The following GLRB variants were observed in gnomAD, a reference collection of about 807,000 sequenced individuals.
The protein encoded by GLRB is glycine receptor beta.
Under a neutral mutation model 54.2 loss-of-function variants are expected in GLRB, and 33 were observed. That is an observed-to-expected ratio of 0.61 (90% CI 0.46 to 0.81). The LOEUF is 0.81. Ranked by LOEUF, GLRB falls within the 40% of genes least tolerant of loss-of-function variation. The pLI is 0.00. For missense variants in GLRB, 572 were observed against 584.6 expected (o/e 0.98, Z 0.22); for synonymous variants, 209 against 208.2 (o/e 1.00, Z -0.03).
intron 2 of GLRB, among the ~76,000 whole-genome samples, chr4:157,118,146 A>G (rs2126524241): frequency 6.6e-6 from 1 of 151,742 alleles, no homozygotes; most frequent in East Asian, 1.9e-4. Context: ...AATCAGCTGG[A>G]AAGTTCTAAA....
chr4:157,127,065 A>G (rs1412680523), intron 4 of GLRB, among the ~76,000 whole-genome samples: 2 of 151,664 alleles, frequency 1.3e-5, no homozygotes, highest in Admixed American at 1.3e-4. Flanking sequence ...CAAGAAAAAA[A>G]TTCATATTTG....
chr4:157,105,126 A>C (rs1482458431), intron 2 of GLRB, among the ~76,000 whole-genome samples: 1 of 151,730 alleles, frequency 6.6e-6, no homozygotes, highest in Non-Finnish European at 1.5e-5. Context: ...GTATTAATAT[A>C]AAGTTAGGCT....
intron 9 of GLRB, among the ~76,000 whole-genome samples, chr4:157,157,024 C>A (rs569099571): frequency 6.6e-6 from 1 of 152,146 alleles, no homozygotes; most frequent in Non-Finnish European, 1.5e-5. Flanking sequence ...CAGGGTAGAG[C>A]TCCTTGATAC....
At chr4:157,152,579 CT>C in intron 8 of GLRB, 138 bp from the exon 9 acceptor site, 1 of 770,758 alleles carries the variant, frequency 1.3e-6, no homozygotes, top group South Asian at 1.4e-5. Flanking sequence ...TTATTCTAGT[CT>C]TTGAGCTTTA....
chr4:157,137,907 T>G (rs1179207273), intron 6 of GLRB, among the ~76,000 whole-genome samples: 1 of 152,146 alleles, frequency 6.6e-6, no homozygotes, highest in Non-Finnish European at 1.5e-5. Context: ...ACTAGACTAG[T>G]GTATGCTGTA....
intron 4 of GLRB, among the ~76,000 whole-genome samples, chr4:157,125,650 C>G (rs1735990735): frequency 6.6e-6 from 1 of 151,666 alleles, no homozygotes; most frequent in Admixed American, 6.6e-5. Context: ...AAAGGAATTC[C>G]TGGCCAGGCA....
At chr4:157,165,657 C>A (rs946314456) in intron 9 of GLRB, among the ~76,000 whole-genome samples, 5 of 151,806 alleles carry the variant, frequency 3.3e-5, no homozygotes, top group African/African-American at 1.2e-4. Context: ...AAAAGTGGTG[C>A]TTTTTCAGTC....
chr4:157,078,372 T>C, intron 2 of GLRB: 2 of 254,222 alleles, frequency 7.9e-6, no homozygotes, highest in Non-Finnish European at 1.2e-5. Context: ...AATCATGCCA[T>C]GGGTTTATAT....
At chr4:157,144,259 G>A (rs59077996) in intron 8 of GLRB, among the ~76,000 whole-genome samples, 4 of 152,000 alleles carry the variant, frequency 2.6e-5, no homozygotes, top group Non-Finnish European at 4.4e-5. Context: ...TAAAACCTTC[G>A]GTAGTGCCAA....
intron 2 of GLRB, among the ~76,000 whole-genome samples, chr4:157,120,330 A>G (rs1360963373): frequency 6.6e-6 from 1 of 151,252 alleles, no homozygotes; most frequent in Non-Finnish European, 1.5e-5. Context: ...ACATGTATAC[A>G]TATGTAACTA....
chr4:157,113,104 T>G lies in GLRB; in HGVS notation c.123-7452T>G, dbSNP rs1735480249. Among the ~76,000 whole-genome samples, 4 of 151,984 alleles carry G rather than the reference T, an allele frequency of 2.6e-5. No homozygotes were observed. The South Asian group carries it at 6.2e-4, about 24-fold the overall frequency. ...GAAGTGTTTTTCAATTATACCCACA[T>G]TTTACTCAAATTTAGTGTGTGTGTA... On this transcript the variant is annotated intron_variant, in intron 2 of 9. Coordinates refer to ENST00000264428, the MANE Select transcript of GLRB (RefSeq NM_000824.5).
At chr4:157,112,591 T>C (rs578225648) in intron 2 of GLRB, among the ~76,000 whole-genome samples, 1 of 152,016 alleles carries the variant, frequency 6.6e-6, no homozygotes, top group Non-Finnish European at 1.5e-5. Context: ...TTTGGGAACA[T>C]GTCTTAAGAG....
intron 9 of GLRB, among the ~76,000 whole-genome samples, chr4:157,160,254 A>C (rs1415372455): frequency 6.9e-6 from 1 of 145,554 alleles, no homozygotes; most frequent in Non-Finnish European, 1.5e-5. Flanking sequence ...CTAGTGGTCT[A>C]TCGATTTTTT....
chr4:157,158,179 G>C (rs1429422287), intron 9 of GLRB, among the ~76,000 whole-genome samples: 3 of 151,092 alleles, frequency 2.0e-5, no homozygotes, highest in Admixed American at 6.6e-5. Flanking sequence ...CTTTTTGATG[G>C]GTTTTTTTTT....
At chr4:157,145,294 T>A (rs1056331224) in intron 8 of GLRB, among the ~76,000 whole-genome samples, 3 of 152,166 alleles carry the variant, frequency 2.0e-5, no homozygotes, top group Non-Finnish European at 4.4e-5. Context: ...AGAGTTAACT[T>A]GGGTTTGAAA....
At chr4:157,100,271 T>G (rs2126478439) in intron 2 of GLRB, among the ~76,000 whole-genome samples, 1 of 152,350 alleles carries the variant, frequency 6.6e-6, no homozygotes, top group South Asian at 2.1e-4. Flanking sequence ...CTGTAATCCA[T>G]TTCAACTTGC....
chr4:157,163,322 C>T (rs538298929), intron 9 of GLRB, among the ~76,000 whole-genome samples: 8 of 152,112 alleles, frequency 5.3e-5, no homozygotes, highest in East Asian at 3.9e-4. Context: ...TGGGCTGCAC[C>T]GACAGTCAGA....
chr4:157,160,420 A>C (rs1245624220), intron 9 of GLRB, among the ~76,000 whole-genome samples: 7 of 151,814 alleles, frequency 4.6e-5, no homozygotes, highest in Non-Finnish European at 8.8e-5. Context: ...TTTAACTGTG[A>C]TGTTAGGGTG....
intron 2 of GLRB, among the ~76,000 whole-genome samples, chr4:157,094,992 C>G (rs1734751998): frequency 6.6e-6 from 1 of 152,084 alleles, no homozygotes; most frequent in Non-Finnish European, 1.5e-5. Context: ...TCAAAAGAGT[C>G]AAAAATTTTC....
Sources: allele counts gnomAD v4.1 joint callset (sites outside exome capture counted in the v4.1 genomes callset), GRCh38; gene constraint gnomAD v4.1.1; transcripts MANE v1.5; gene names NCBI Gene and HGNC (gene_info 2026-07-23, HGNC 2026-07-21).